PLCD3: variants seen among roughly 807,000 people sequenced by gnomAD.
The protein encoded by PLCD3 is phospholipase C delta 3.
Under a neutral mutation model 82.8 loss-of-function variants are expected in PLCD3, and 62 were observed. That is an observed-to-expected ratio of 0.75 (90% CI 0.61 to 0.93). PLCD3 has a LOEUF of 0.93. Ranked by LOEUF, PLCD3 falls within the 40% of genes least tolerant of loss-of-function variation. The pLI is 0.00. For missense variants in PLCD3, 1,023 were observed against 1,103.4 expected (o/e 0.93, Z 1.03); for synonymous variants, 478 against 471.8 (o/e 1.01, Z -0.17).
At chr17:45,114,577 G>A in intron 10 of PLCD3, 1 of 513,892 alleles carries the variant, frequency 1.9e-6, no homozygotes, top group Non-Finnish European at 3.4e-6. Context: ...TGCATCCCCA[G>A]CCCCCAATTC....
intron 1 of PLCD3, among the ~76,000 whole-genome samples, chr17:45,131,210 G>T (rs529001814): frequency 6.6e-6 from 1 of 152,178 alleles, no homozygotes; most frequent in African/African-American, 2.4e-5. Flanking sequence ...TAACAAGAAG[G>T]CAAAACTGGC....
At chr17:45,119,174 C>T (rs1598031459) in intron 4 of PLCD3, 131 bp from the exon 5 acceptor site, 1 of 684,340 alleles carries the variant, frequency 1.5e-6, no homozygotes, top group South Asian at 1.9e-5. Flanking sequence ...CAGAGTAAGA[C>T]TTGTGACTCT....
rs932911022 is a variant in PLCD3 at position 45,118,722 on chromosome 17, G to A, written c.913+93C>T. ...CTGGAGGAGGTGAGGTAACCTGCCC[G>A]AGATGATGCCCGCGCCAGCCCGCAG... On this transcript the variant is annotated intron_variant, in intron 5 of 14. Transcript: ENST00000619929. The surrounding 1 kb of genome is among the most constrained non-coding windows in gnomAD (Gnocchi z 4.1). 3.0e-5 allele frequency: 40 copies of A among 1,341,118 alleles called. 1 individual carries two copies. The highest frequency in any genetic ancestry group is 1.6e-4 in the Admixed American group (7 of 43,570). The allele number at this position is 1,341,118 out of a possible 1,614,324, so 83.1% of individuals were successfully genotyped here.
intron 1 of PLCD3, among the ~76,000 whole-genome samples, chr17:45,125,457 C>T (rs1312655814): frequency 1.3e-5 from 2 of 152,194 alleles, no homozygotes; most frequent in Non-Finnish European, 2.9e-5. Context: ...AACAGCCGAG[C>T]ATGGTGGCCC....
At chr17:45,117,080 G>T (rs1464526555) in intron 7 of PLCD3, among the ~76,000 whole-genome samples, 1 of 152,124 alleles carries the variant, frequency 6.6e-6, no homozygotes, top group African/African-American at 2.4e-5. Context: ...AAGTAGCTGG[G>T]ATTACAGGCG....
At chr17:45,127,216 G>A (rs1567884417) in intron 1 of PLCD3, among the ~76,000 whole-genome samples, 1 of 152,200 alleles carries the variant, frequency 6.6e-6, no homozygotes, top group Non-Finnish European at 1.5e-5. Context: ...AGGCACCCAC[G>A]TGTTCTGATC....
rs780601908 is a variant in PLCD3 at position 45,120,391 on chromosome 17, C to A, written c.618G>T (p.Glu206Asp). 1.2e-6 allele frequency: 2 copies of A among 1,614,038 alleles called. No individual in the cohort carries two copies. Among genetic ancestry groups the A allele is most frequent in the East Asian group, 2.2e-5 (1 of 44,884 alleles). The change falls in exon 4 of 15, where the codon GAG becomes GAT. Residue 206 changes from glutamate to aspartate, a missense_variant. This residue lies in a region of PLCD3 where 448 missense variants were observed against 406.3 expected (regional missense o/e 1.10). Coordinates refer to ENST00000619929, the MANE Select transcript of PLCD3 (RefSeq NM_133373.5). ...TGACCATTCTCAGCAGGCTCTTGAT[C>A]TCCTTGAAGCTCATCTTGCTGTCCT... ...SNQDSKMSFK[E>D]IKSLLRMVNV...
chr17:45,119,937 G>T (rs1260660016), intron 4 of PLCD3, among the ~76,000 whole-genome samples: 1 of 152,272 alleles, frequency 6.6e-6, no homozygotes, highest in Non-Finnish European at 1.5e-5. Context: ...ACGTGCCACA[G>T]TGGAGGGTCT....
chr17:45,127,128 G>C (rs1208262085), intron 1 of PLCD3, among the ~76,000 whole-genome samples: 3 of 152,186 alleles, frequency 2.0e-5, no homozygotes, highest in African/African-American at 7.2e-5. Context: ...GGCCCATAGT[G>C]GGTGCTCAGT....
At chr17:45,119,080 A>T in intron 4 of PLCD3, 37 bp from the exon 5 acceptor site, 3 of 1,521,772 alleles carry the variant, frequency 2.0e-6, no homozygotes, top group Non-Finnish European at 2.7e-6. Flanking sequence ...GGAGGCAGAC[A>T]CTCCAGGAAA....
Position 45,116,633 on chromosome 17 carries a change from T to G in PLCD3, c.1412A>C (p.Glu471Ala). Residue 471 changes from glutamate (E) to alanine (A), a missense_variant and splice_region_variant, in exon 8 of 15, where the codon GAG (glutamate) becomes GCG (alanine). By Grantham distance (107) the Glu-to-Ala change is moderately radical. Transcript: ENST00000619929. Reference sequence around the variant, plus strand: ...AGGCTAGGGGCTGGGGGGCGTCACCTCTGGGGATGGCAGCTCCTCGGGATT... The same window carrying G: ...AGGCTAGGGGCTGGGGGGCGTCACCGCTGGGGATGGCAGCTCCTCGGGATT... Reference protein sequence around the residue: ...SPNPEELPSPEQLKGRVLVKG... With the variant: ...SPNPEELPSPAQLKGRVLVKG... 1.3e-6 allele frequency: 2 copies of G among 1,587,366 alleles called. No homozygotes were observed. The highest frequency in any genetic ancestry group is 1.7e-6 in the Non-Finnish European group (2 of 1,165,226).
At chr17:45,112,761 G>A (rs368726464) in intron 14 of PLCD3, 57 bp from the exon 15 acceptor site, 5 of 1,588,840 alleles carry the variant, frequency 3.1e-6, no homozygotes, top group Non-Finnish European at 4.3e-6. Context: ...GTCTGGCCCA[G>A]CCCGGGCCTG....
intron 4 of PLCD3, among the ~76,000 whole-genome samples, chr17:45,119,915 T>C (rs1214800609): frequency 6.6e-6 from 1 of 152,184 alleles, no homozygotes; most frequent in Non-Finnish European, 1.5e-5. Flanking sequence ...CTCCCATGCA[T>C]GAGGTGCCAA....
In PLCD3 at chr17:45,118,435, T is replaced by A. The variant is rs1293952370; in HGVS notation, c.971A>T (p.Glu324Val). The A allele has an allele frequency of 6.2e-7, 1 of 1,613,974 alleles. No individual in the cohort carries two copies. The highest frequency in any genetic ancestry group is 2.2e-5 in the East Asian group (1 of 44,882). Residue 324 changes from glutamate (E) to valine (V), a missense_variant, in exon 6 of 15, where the codon GAG (glutamate) becomes GTG (valine). Glu to Val is a moderately radical substitution (Grantham distance 121). Around this residue, in one of 3 missense-constraint regions of PLCD3, gnomAD observed 553 missense variants for 655.7 expected, o/e 0.84. Coordinates refer to ENST00000619929, the MANE Select transcript of PLCD3 (RefSeq NM_133373.5). The surrounding 1 kb of genome is among the most constrained non-coding windows in gnomAD (Gnocchi z 4.1). ...DGFMMYLLSPEGAALDNTHTC... is the reference protein window; with the variant it reads ...DGFMMYLLSPVGAALDNTHTC... ...GTGGGTGTTGTCCAAGGCAGCCCCCTCCGGCGACAACAGGTACATCATGAA... is the reference window on the plus strand; with the variant it reads ...GTGGGTGTTGTCCAAGGCAGCCCCCACCGGCGACAACAGGTACATCATGAA...
Position 45,119,039 on chromosome 17 carries a change from C to T in PLCD3, c.689G>A (p.Cys230Tyr). 1 of 1,605,646 alleles carries T rather than the reference C, an allele frequency of 6.2e-7. No individual in the cohort carries two copies. The highest frequency in any genetic ancestry group is 8.5e-7 in the Non-Finnish European group (1 of 1,176,274). Residue 230 changes from cysteine (C) to tyrosine (Y), a missense_variant, in exon 5 of 15, where the codon TGT (cysteine) becomes TAT (tyrosine). Physicochemically the swap from Cys to Tyr is radical, Grantham distance 194. Transcript: ENST00000619929. Reference sequence around the variant, plus strand: ...TAGACGGTCGTTGTTGGAGTGGTCACACTCCTGGGGAGCAGCAGGAGAAGC... The same window carrying T: ...TAGACGGTCGTTGTTGGAGTGGTCATACTCCTGGGGAGCAGCAGGAGAAGC... ...DMYAYLLFKE[C>Y]DHSNNDRLEG...
Position 45,116,652 on chromosome 17 carries a change from C to T in PLCD3, c.1393G>A (p.Glu465Lys), listed in dbSNP as rs1250152102. 5.6e-6 allele frequency: 9 copies of T among 1,598,636 alleles called. No individual in the cohort carries two copies. The highest frequency in any genetic ancestry group is 2.7e-5 in the African/African-American group (2 of 74,186). The change falls in exon 8 of 15, where the codon GAG becomes AAG. Residue 465 changes from glutamate to lysine, a missense_variant. By Grantham distance (56) the Glu-to-Lys change is moderately conservative. Coordinates refer to ENST00000619929, the MANE Select transcript of PLCD3 (RefSeq NM_133373.5). ...GTCACCTCTGGGGATGGCAGCTCCT[C>T]GGGATTTGGGGAGTCCAGCGCCTGT... ...VTQALDSPNP[E>K]ELPSPEQLKG...
rs759174345 is a variant in PLCD3, at chr17:45,120,477, A to G, written c.555-23T>C. ...CAGGTGTGGGTGCTCAGGAAATAAC[A>G]GCAACACGCCAGGCTGCCCCCAGCC... On this transcript the variant is annotated intron_variant, in intron 3 of 14. Transcript: ENST00000619929. 1.2e-5 allele frequency: 19 copies of G among 1,613,596 alleles called. No homozygotes were observed. The African/African-American group carries it at 2.1e-4, about 18-fold the overall frequency.
In PLCD3 at chr17:45,118,988, A is replaced by G. The variant is rs1198115177; in HGVS notation, c.740T>C (p.Leu247Pro). ...CTCCGGCCGCTTCAGCAGCCGCCGC[A>G]GGAACTCCTCGATCTCAGCCCCCTC... ...RLEGAEIEEF[L>P]RRLLKRPELE... The change falls in exon 5 of 15, where the codon CTG (leucine) becomes CCG (proline). Residue 247 changes from leucine to proline, a missense_variant. By Grantham distance (98) the Leu-to-Pro change is moderately conservative. Around this residue, in one of 3 missense-constraint regions of PLCD3, gnomAD observed 448 missense variants for 406.3 expected, o/e 1.10. Coordinates refer to ENST00000619929, the MANE Select transcript of PLCD3 (RefSeq NM_133373.5). This position sits in a 1 kb window ranked among gnomAD's most constrained non-coding sequence, Gnocchi z 4.1. 3 of 1,612,642 alleles carry G rather than the reference A, an allele frequency of 1.9e-6. No individual in the cohort carries two copies. Among genetic ancestry groups the G allele is most frequent in the East Asian group, 4.5e-5 (2 of 44,876 alleles).
rs776698052 is a variant in PLCD3, at chr17:45,115,478, G to A, written c.1426C>T (p.Arg476Trp). The A allele has an allele frequency of 1.9e-5, 31 of 1,609,804 alleles. No homozygotes were observed. The Admixed American group carries it at 2.8e-4, about 15-fold the overall frequency. ...AACTTCTTTCCCTTCACCAGGACCC[G>A]GCCCTTCAGCTGCTGTGGGGGCCAA... is the stretch of plus-strand genomic sequence containing the variant. ...ELPSPEQLKGRVLVKGKKLPA... is the reference protein window; with the variant it reads ...ELPSPEQLKGWVLVKGKKLPA... Residue 476 changes from arginine (R) to tryptophan (W), a missense_variant, in exon 9 of 15, where the codon CGG (arginine) becomes TGG (tryptophan). By Grantham distance (101) the Arg-to-Trp change is moderately radical (BLOSUM62 -3). Coordinates refer to ENST00000619929, the MANE Select transcript of PLCD3 (RefSeq NM_133373.5).
Sources: gnomAD v4.1 joint callset for allele counts (sites outside exome capture counted in the v4.1 genomes callset) on GRCh38, gnomAD v4.1.1 for gene constraint, gnomAD v4.1.1 regional missense constraint, Gnocchi (gnomAD v3.1) non-coding constraint, MANE v1.5 for transcripts, NCBI Gene and HGNC (gene_info 2026-07-23, HGNC 2026-07-21) for gene names.